AMMECR1: variants seen among roughly 807,000 people sequenced by gnomAD.
AMMECR1 encodes the protein AMMECR nuclear protein 1.
Under a neutral mutation model 22.5 loss-of-function variants are expected in AMMECR1, and 3 were observed. The ratio of observed to expected loss-of-function variants is 0.13; its 90% CI spans 0.06 to 0.35. AMMECR1 has a LOEUF of 0.35. Ranked by LOEUF, AMMECR1 falls within the 10% of genes least tolerant of loss-of-function variation. AMMECR1 has a pLI of 1.00. For missense variants in AMMECR1, 235 were observed against 278.7 expected, an observed-to-expected ratio of 0.84 and a Z score of 1.12; for synonymous variants, 130 against 116.7, an observed-to-expected ratio of 1.11 and a Z score of -0.74.
chrX:110,264,713 G>A (rs1237267198), intron 1 of AMMECR1, 114 bp from the exon 2 acceptor site: 1 of 535,097 alleles, frequency 1.9e-6, no homozygotes, highest in Non-Finnish European at 3.0e-6. Flanking sequence ...CAAAAGACAG[G>A]CCTTCAAGGG....
intron 2 of AMMECR1, among the ~76,000 whole-genome samples, chrX:110,422,068 ATGGGGCTCTGGC>A (rs1227442266): frequency 3.5e-5 from 4 of 113,105 alleles, no homozygotes; most frequent in African/African-American, 1.3e-4. Context: ...TTTCTGGAAA[ATGGGGCTCTGGC>A]TGGGATCAAA....
intron 2 of AMMECR1, among the ~76,000 whole-genome samples, chrX:110,353,999 T>C (rs2068220745): frequency 1.8e-5 from 2 of 112,243 alleles, no homozygotes; most frequent in African/African-American, 3.2e-5. Context: ...CTATAAAATA[T>C]TGATGAAATA....
chrX:110,426,758 G>C (rs971412670), exon 2 of AMMECR1: 18 of 111,702 alleles, frequency 1.6e-4, no homozygotes, highest in African/African-American at 5.2e-4. Context: ...TAAGTACTTT[G>C]AGGAGAATCC....
intron 2 of AMMECR1, among the ~76,000 whole-genome samples, chrX:110,363,968 A>G (rs1292773140): frequency 8.9e-6 from 1 of 112,107 alleles, no homozygotes; most frequent in Non-Finnish European, 1.9e-5. Context: ...GTGGTATATT[A>G]GTTTTCTGTG....
At chrX:110,283,409 C>A (rs898074234) in intron 1 of AMMECR1, among the ~76,000 whole-genome samples, 42 of 112,495 alleles carry the variant, frequency 3.7e-4, no homozygotes, top group Non-Finnish European at 9.4e-5. Context: ...AGAGAAATAT[C>A]TGTTGTCTTA....
intron 2 of AMMECR1, among the ~76,000 whole-genome samples, chrX:110,396,230 A>G (rs1445858167): frequency 9.0e-6 from 1 of 111,047 alleles, no homozygotes; most frequent in Admixed American, 9.6e-5. Flanking sequence ...AAAAATTATT[A>G]TGGAAATTTT....
chrX:110,226,752 C>T (rs1228311369), intron 2 of AMMECR1, among the ~76,000 whole-genome samples: 1 of 111,994 alleles, frequency 8.9e-6, no homozygotes, highest in Non-Finnish European at 1.9e-5. Flanking sequence ...TACATTTAAT[C>T]AGTATTAAGG....
chrX:110,437,422 C>A (rs1262103795), intron 1 of AMMECR1, among the ~76,000 whole-genome samples: 1 of 112,135 alleles, frequency 8.9e-6, no homozygotes, highest in Non-Finnish European at 1.9e-5. Flanking sequence ...TATTACTGTG[C>A]CCATTTTACA....
intron 2 of AMMECR1, among the ~76,000 whole-genome samples, chrX:110,341,695 A>G (rs1432164350): frequency 1.8e-5 from 2 of 112,064 alleles, no homozygotes; most frequent in Admixed American, 1.9e-4. Context: ...TTTACTTTAT[A>G]AGTTCCCCAG....
chrX:110,298,617 A>G (rs757310936), intron 1 of AMMECR1, among the ~76,000 whole-genome samples: 1 of 111,706 alleles, frequency 9.0e-6, no homozygotes, highest in South Asian at 3.8e-4. Context: ...ACAATTGTAT[A>G]TGAGACTCTG....
At chrX:110,261,571 T>C (rs2067741849) in intron 2 of AMMECR1, among the ~76,000 whole-genome samples, 1 of 111,485 alleles carries the variant, frequency 9.0e-6, no homozygotes, top group African/African-American at 3.3e-5. Context: ...CCTACAGTAG[T>C]ATTGTTTTGT....
intron 2 of AMMECR1, among the ~76,000 whole-genome samples, chrX:110,401,552 C>T (rs749590613): frequency 1.8e-5 from 2 of 111,681 alleles, no homozygotes; most frequent in Admixed American, 9.4e-5. Flanking sequence ...GTAGCTCCCA[C>T]GGGAGGCATG....
intron 2 of AMMECR1, among the ~76,000 whole-genome samples, chrX:110,387,055 G>A (rs1346690909): frequency 8.9e-6 from 1 of 112,215 alleles, no homozygotes; most frequent in African/African-American, 3.2e-5. Context: ...GGTGGTCAGG[G>A]GAAGCTTTAA....
chrX:110,400,492 C>T (rs965587006), intron 2 of AMMECR1, among the ~76,000 whole-genome samples: 2 of 110,380 alleles, frequency 1.8e-5, no homozygotes, highest in African/African-American at 3.3e-5. Context: ...CAGTAATACC[C>T]TACCTCTTCT....
intron 2 of AMMECR1, chrX:110,346,558 T>C: frequency 2.3e-6 from 1 of 438,920 alleles, no homozygotes; most frequent in East Asian, 3.8e-5. Context: ...GAGGTAGATG[T>C]TAAGGACAGA....
At chrX:110,205,877 T>C (rs982611207) in intron 3 of AMMECR1, among the ~76,000 whole-genome samples, 7 of 112,430 alleles carry the variant, frequency 6.2e-5, no homozygotes, top group Non-Finnish European at 1.3e-4. Context: ...TGTGTGCTGA[T>C]AGAACATTAA....
chrX:110,207,729 G>A (rs1374089484), intron 3 of AMMECR1, among the ~76,000 whole-genome samples: 1 of 111,901 alleles, frequency 8.9e-6, no homozygotes, highest in Non-Finnish European at 1.9e-5. Flanking sequence ...CAATGTTGCT[G>A]CGATTCAGCT....
At chrX:110,409,517 C>G (rs996289995) in intron 2 of AMMECR1, among the ~76,000 whole-genome samples, 1 of 111,683 alleles carries the variant, frequency 9.0e-6, no homozygotes, top group African/African-American at 3.3e-5. Flanking sequence ...AGAGAGGATA[C>G]CAGGGAAAAT....
intron 1 of AMMECR1, among the ~76,000 whole-genome samples, chrX:110,291,735 C>T (rs1426603754): frequency 8.9e-6 from 1 of 111,789 alleles, no homozygotes; most frequent in Non-Finnish European, 1.9e-5. Context: ...GATATATATG[C>T]AGAGGTGCTA....
Sources: gnomAD v4.1 joint callset for allele counts (sites outside exome capture counted in the v4.1 genomes callset) on GRCh38, gnomAD v4.1.1 for gene constraint, MANE v1.5 for transcripts, NCBI Gene and HGNC (gene_info 2026-07-23, HGNC 2026-07-21) for gene names.